KAT5: variants seen among roughly 807,000 people sequenced by gnomAD.
KAT5 encodes the protein lysine acetyltransferase 5.
KAT5 carries 31 observed loss-of-function variants against 68.1 expected under a neutral mutation model. That is an observed-to-expected ratio of 0.46 (90% CI 0.34 to 0.61). KAT5 has a LOEUF of 0.61. KAT5 is among the 20% of genes least tolerant of loss of function. The pLI is 0.01. For synonymous variants in KAT5, 365 were observed against 292.6 expected (o/e 1.25, Z -2.52); for missense variants, 451 against 725.5 (o/e 0.62, Z 4.35).
At chr11:65,712,569 A>G (rs763326321) in intron 1 of KAT5, 124 bp downstream of exon 1, 2 of 1,288,560 alleles carry the variant, frequency 1.6e-6, no homozygotes, top group African/African-American at 1.5e-5. Flanking sequence ...ACTTTGATGA[A>G]GGGGCGTGGC....
chr11:65,716,620 G>A (rs762580207), intron 8 of KAT5, 47 bp from the exon 9 acceptor site: 4 of 1,594,132 alleles, frequency 2.5e-6, no homozygotes, highest in Non-Finnish European at 2.6e-6. Context: ...CACTGGCCAG[G>A]CTCAAGGCGG....
Position 65,719,296 on chromosome 11 carries a change from T to A in KAT5, c.*115T>A. The A allele has an allele frequency of 7.7e-7, 1 of 1,299,424 alleles. No homozygotes were observed. The highest frequency in any genetic ancestry group is 1.1e-6 in the Non-Finnish European group (1 of 951,916). 80.5% of individuals were successfully genotyped at this position (1,299,424 alleles called of 1,614,324 possible). A position where few individuals can be genotyped will look rare whatever the true frequency, so the allele number is the denominator to read the frequency against. On this transcript the variant is annotated 3_prime_UTR_variant, in exon 13 of 13. Transcript: ENST00000341318. ...TAAGGGAGATGGGGCTGAGGACAGCTCAAAAAGGAGAGGACAGGCCTGGCA... is the reference window on the plus strand; with the variant it reads ...TAAGGGAGATGGGGCTGAGGACAGCACAAAAAGGAGAGGACAGGCCTGGCA...
intron 8 of KAT5, among the ~76,000 whole-genome samples, chr11:65,715,647 G>A (rs1857165620): frequency 6.6e-6 from 1 of 152,148 alleles, no homozygotes; most frequent in South Asian, 2.1e-4. Flanking sequence ...TGTAATCCCA[G>A]CTACTCGGGA....
At chr11:65,717,366 CCT>C (rs764373694) in intron 10 of KAT5, 18 of 310,468 alleles carry the variant, frequency 5.8e-5, no homozygotes, top group South Asian at 2.2e-4. Flanking sequence ...CCAGTTGTCC[CCT>C]GAGCCTTGCA....
chr11:65,713,826 C>G lies in KAT5; in HGVS notation c.668C>G (p.Ser223Trp). 1 of 1,591,914 alleles carries G rather than the reference C, an allele frequency of 6.3e-7. No homozygotes were observed. Among genetic ancestry groups the G allele is most frequent in the Non-Finnish European group, 8.6e-7 (1 of 1,168,862 alleles). Reference protein sequence around the residue: ...VAAQPGRKRKSNCLGTDEDSQ... With the variant: ...VAAQPGRKRKWNCLGTDEDSQ... ...GCCCAGCCAGGACGGAAGCGAAAAT[C>G]GAATTGTTTGGGCACTGATGAGGTG... is the stretch of plus-strand genomic sequence containing the variant. The change falls in exon 6 of 13, where the codon TCG (serine) becomes TGG (tryptophan). Residue 223 changes from serine (S) to tryptophan (W), a missense_variant. By Grantham distance (177) the Ser-to-Trp change is radical. This residue lies in a region of KAT5 where 210 missense variants were observed against 423.7 expected (regional missense o/e 0.50). Transcript: ENST00000341318.
chr11:65,712,884 CT>C (rs772377890), intron 2 of KAT5, 37 bp from the exon 3 acceptor site: 1 of 1,614,104 alleles, frequency 6.2e-7, no homozygotes, highest in Non-Finnish European at 8.5e-7. Context: ...GGGGGACAGT[CT>C]TTGGCATTCT....
At chr11:65,712,633 G>A in intron 1 of KAT5, 133 bp from the exon 2 acceptor site, 2 of 1,255,162 alleles carry the variant, frequency 1.6e-6, no homozygotes, top group Non-Finnish European at 2.3e-6. Flanking sequence ...TGGCACTTGT[G>A]ACTGAAGGAG....
intron 8 of KAT5, 64 bp downstream of exon 8, chr11:65,714,974 T>C: frequency 7.1e-7 from 1 of 1,417,220 alleles, no homozygotes; most frequent in Admixed American, 1.7e-5. Context: ...CTTGCTCAGG[T>C]AAACACTGAC....
intron 8 of KAT5, 122 bp from the exon 9 acceptor site, chr11:65,716,545 G>T (rs1304927379): frequency 3.2e-6 from 3 of 935,548 alleles, no homozygotes; most frequent in Non-Finnish European, 5.0e-6. Context: ...AGCCAGGGAA[G>T]AACACTCATC....
chr11:65,719,392 G>C lies in KAT5; in HGVS notation c.*211G>C. The C allele has an allele frequency of 1.6e-6, 1 of 636,286 alleles. No homozygotes were observed. The highest frequency in any genetic ancestry group is 2.7e-6 in the Non-Finnish European group (1 of 370,056). 39.4% of individuals were successfully genotyped at this position (636,286 alleles called of 1,614,324 possible). A position where few individuals can be genotyped will look rare whatever the true frequency, so the allele number is the denominator to read the frequency against. Reference sequence around the variant, plus strand: ...CAACTCCAAGGTCAGCTGGCCACAGGCCCAGGCCTCCTCTGAAGCAGGGAC... The same window carrying C: ...CAACTCCAAGGTCAGCTGGCCACAGCCCCAGGCCTCCTCTGAAGCAGGGAC... On this transcript the variant is annotated 3_prime_UTR_variant, in exon 13 of 13. Coordinates refer to ENST00000341318, the MANE Select transcript of KAT5 (RefSeq NM_182710.3).
intron 3 of KAT5, 46 bp downstream of exon 3, chr11:65,713,104 C>G (rs765060797): frequency 3.7e-6 from 6 of 1,609,080 alleles, no homozygotes; most frequent in Non-Finnish European, 5.1e-6. Context: ...CCTCCTATTT[C>G]TCTTGTCTGT....
chr11:65,714,168 G>A (rs1025800226), intron 6 of KAT5: 12 of 509,700 alleles, frequency 2.4e-5, no homozygotes, highest in South Asian at 1.8e-4. Flanking sequence ...GCGTGGTGGC[G>A]GGTGCCTGTA....
In KAT5 at chr11:65,717,245, G is replaced by A. The variant is rs572753387; in HGVS notation, c.1264+263G>A. On this transcript the variant is annotated intron_variant, in intron 10 of 12. Transcript: ENST00000341318. The stretch of plus-strand genomic sequence containing the variant: ...TCAGCTTTCCCCAAATCTGACTTAC[G>A]TGCTCCTGCCTGGAGCCATGGGCAG... 1.4e-5 allele frequency: 8 copies of A among 562,768 alleles called. No homozygotes were observed. In the Admixed American group the frequency reaches 1.9e-4, roughly 13 times the overall value. 34.9% of individuals were successfully genotyped at this position (562,768 alleles called of 1,614,324 possible).
Position 65,713,615 on chromosome 11 carries a change from C to T in KAT5, c.563C>T (p.Ser188Leu). 6.2e-7 allele frequency: 1 copy of T among 1,614,230 alleles called. No homozygotes were observed. Among genetic ancestry groups the T allele is most frequent in the African/African-American group, 1.3e-5 (1 of 75,056 alleles). The change falls in exon 5 of 13, where the codon TCA becomes TTA. Residue 188 changes from serine (S) to leucine (L), a missense_variant. By Grantham distance (145) the Ser-to-Leu change is moderately radical. Around this residue, in one of 4 missense-constraint regions of KAT5, gnomAD observed 135 missense variants for 173.4 expected, o/e 0.78. Coordinates refer to ENST00000341318, the MANE Select transcript of KAT5 (RefSeq NM_182710.3). ...RSTKRKVEVV[S>L]PATPVPSETA... ...CAGAAACGGAAGGTGGAGGTGGTTT[C>T]ACCAGCAACTCCAGTGCCCAGCGAG...
chr11:65,712,047 C>T (rs1185621129), upstream of KAT5: 4 of 428,164 alleles, frequency 9.3e-6, no homozygotes, highest in Non-Finnish European at 1.7e-5. Context: ...CCGCCACTGG[C>T]TGTGCACGTT....
Position 65,718,956 on chromosome 11 carries a change from TAGGGAGGCAGGCA to T in KAT5, c.1506+3_1506+15del. On this transcript the variant is annotated splice_donor_5th_base_variant and intron_variant, in intron 12 of 12. Coordinates refer to ENST00000341318, the MANE Select transcript of KAT5 (RefSeq NM_182710.3). ...CTCAATCTCATCAACTACTACAAGG[TAGGGAGGCAGGCA>T]GGGGAGACAGGTGTGTGGGATGCAG... The T allele has an allele frequency of 1.2e-6, 2 of 1,614,074 alleles. No individual in the cohort carries two copies. The highest frequency in any genetic ancestry group is 1.1e-5 in the South Asian group (1 of 91,076).
chr11:65,718,897 CAAG>C lies in KAT5; in HGVS notation c.1453_1455del (p.Lys485del). On this transcript the variant is annotated inframe_deletion, in exon 12 of 13. Transcript: ENST00000341318. Reference sequence around the variant, plus strand: ...GTGAGATTAGTGAAATCACCAGCATCAAGAAGGAGGATGTCATCTCCACTCTGC... The same window carrying C: ...GTGAGATTAGTGAAATCACCAGCATCAAGGAGGATGTCATCTCCACTCTGC... 5 of 1,614,130 alleles carry C rather than the reference CAAG, an allele frequency of 3.1e-6. No homozygotes were observed. The highest frequency in any genetic ancestry group is 1.3e-5 in the African/African-American group (1 of 75,024).
At position 65,712,339 on chromosome 11, in the gene KAT5, C is replaced by G; in HGVS notation, c.72C>G (p.Gly24=). The G allele has an allele frequency of 2.0e-6, 3 of 1,519,072 alleles. No homozygotes were observed. The highest frequency in any genetic ancestry group is 1.3e-5 in the South Asian group (1 of 77,076). 94.1% of individuals were successfully genotyped at this position (1,519,072 alleles called of 1,614,324 possible). A position where few individuals can be genotyped will look rare whatever the true frequency, so the allele number is the denominator to read the frequency against. The part of the protein sequence containing the change: ...REPGEVGRAR[G]PPVADPGVAL... The stretch of plus-strand genomic sequence containing the variant: ...CAGGGGAGGTGGGTAGAGCCCGAGG[C>G]CCCCCAGTAGCCGACCCTGGCGTCG... The change falls in exon 1 of 13, where the codon GGC becomes GGG. Residue 24 remains glycine (G), a synonymous_variant. Coordinates refer to ENST00000341318, the MANE Select transcript of KAT5 (RefSeq NM_182710.3).
chr11:65,712,877 G>A, intron 2 of KAT5, 43 bp downstream of exon 2: 2 of 1,614,062 alleles, frequency 1.2e-6, no homozygotes, highest in Non-Finnish European at 1.7e-6. Flanking sequence ...TAGGGTTGGG[G>A]GACAGTCTTT....
Sources: allele counts gnomAD v4.1 joint callset (sites outside exome capture counted in the v4.1 genomes callset), GRCh38; gene constraint gnomAD v4.1.1; regional missense constraint gnomAD v4.1.1; transcripts MANE v1.5; gene names NCBI Gene and HGNC (gene_info 2026-07-23, HGNC 2026-07-21).